Variants in CEP112 observed in about 807,000 individuals in gnomAD.
CEP112 encodes the protein centrosomal protein of 112 kDa.
In CEP112, 127 loss-of-function variants were observed where a neutral mutation model predicts 153.0. The observed-to-expected ratio is 0.83, with a 90% CI of 0.72 to 0.96. The LOEUF (loss-of-function observed/expected upper bound fraction) is 0.96, where lower values mean the gene tolerates loss of function less well. CEP112 is among the 40% of genes least tolerant of loss of function. The probability of loss-of-function intolerance (pLI) is 0.00; values close to 1 mark genes in which losing one functional copy is unlikely to be tolerated. For missense variants in CEP112, 1,089 were observed against 1,101.2 expected, an observed-to-expected ratio of 0.99 and a Z score of 0.16; for synonymous variants, 358 against 374.4, an observed-to-expected ratio of 0.96 and a Z score of 0.51.
At chr17:65,679,736 T>A (rs539840266) in intron 24 of CEP112, among the ~76,000 whole-genome samples, 10 of 152,348 alleles carry the variant, frequency 6.6e-5, no homozygotes, top group Middle Eastern at 3.4e-3. Flanking sequence ...GGTTTAAAGA[T>A]AAGCAGTGCT....
At chr17:66,143,480 A>G (rs968189983) in intron 4 of CEP112, among the ~76,000 whole-genome samples, 4 of 152,226 alleles carry the variant, frequency 2.6e-5, no homozygotes, top group African/African-American at 7.2e-5. Flanking sequence ...TCTCTGACAG[A>G]TAAGAGGGAT....
intron 16 of CEP112, among the ~76,000 whole-genome samples, chr17:66,025,386 C>T (rs964184845): frequency 4.0e-5 from 6 of 151,786 alleles, no homozygotes; most frequent in African/African-American, 7.3e-5. Flanking sequence ...GCATCTGGCC[C>T]GGGGACTGAT....
chr17:66,141,825 A>G (rs1207561161), intron 4 of CEP112, among the ~76,000 whole-genome samples: 1 of 152,224 alleles, frequency 6.6e-6, no homozygotes, highest in Non-Finnish European at 1.5e-5. Flanking sequence ...ACTATTGTGA[A>G]TAATGCTGCA....
intron 21 of CEP112, among the ~76,000 whole-genome samples, chr17:65,800,871 G>A (rs2055229183): frequency 6.6e-6 from 1 of 152,124 alleles, no homozygotes; most frequent in Non-Finnish European, 1.5e-5. Context: ...ATGGTGTTGA[G>A]CATCAGTGGT....
chr17:65,829,719 T>C (rs1281778742), intron 21 of CEP112, among the ~76,000 whole-genome samples: 2 of 152,148 alleles, frequency 1.3e-5, no homozygotes, highest in Non-Finnish European at 2.9e-5. Context: ...TTAAAATATA[T>C]ATAGTGACTA....
In CEP112 at chr17:65,927,697, A is replaced by G; in HGVS notation, c.1873-8T>C. ...TGCCTCCACTTTTTCCATCTATAAA[A>G]TTTAAAAATCAAATATTAATTTTTT... On this transcript the variant is annotated splice_polypyrimidine_tract_variant and splice_region_variant and intron_variant, in intron 18 of 26. Transcript: ENST00000535342. 1 of 1,497,750 alleles carries G rather than the reference A, an allele frequency of 6.7e-7. No homozygotes were observed. Among genetic ancestry groups the G allele is most frequent in the Non-Finnish European group, 9.0e-7 (1 of 1,114,960 alleles). 92.8% of individuals were successfully genotyped at this position (1,497,750 alleles called of 1,614,324 possible). A position where few individuals can be genotyped will look rare whatever the true frequency, so the allele number is the denominator to read the frequency against.
At chr17:66,110,672 A>T (rs1178218072) in intron 6 of CEP112, among the ~76,000 whole-genome samples, 2 of 144,422 alleles carry the variant, frequency 1.4e-5, no homozygotes, top group Non-Finnish European at 3.0e-5. Flanking sequence ...GCCAAACAAG[A>T]AATGAAAAAA....
At chr17:65,673,936 G>A (rs148565825) in intron 24 of CEP112, among the ~76,000 whole-genome samples, 137 of 152,252 alleles carry the variant, frequency 9.0e-4, no homozygotes, top group African/African-American at 2.7e-3. Flanking sequence ...GAGTATAGTG[G>A]CACAATCTTG....
chr17:65,955,621 G>A (rs2061976732), intron 18 of CEP112, among the ~76,000 whole-genome samples: 1 of 151,926 alleles, frequency 6.6e-6, no homozygotes, highest in African/African-American at 2.4e-5. Context: ...TAACACATAA[G>A]GACTCACATA....
chr17:66,154,423 G>A (rs2071348072), intron 4 of CEP112, among the ~76,000 whole-genome samples: 1 of 151,852 alleles, frequency 6.6e-6, no homozygotes. Context: ...GCTGAGGCAG[G>A]AGAATCACTT....
chr17:66,012,157 T>C (rs2064557740), intron 16 of CEP112, among the ~76,000 whole-genome samples: 5 of 152,186 alleles, frequency 3.3e-5, no homozygotes, highest in Admixed American at 3.3e-4. Context: ...TACCATTGGG[T>C]CTTGCCTCTT....
At chr17:66,149,310 AT>A (rs2071061275) in intron 4 of CEP112, among the ~76,000 whole-genome samples, 1 of 152,130 alleles carries the variant, frequency 6.6e-6, no homozygotes, top group African/African-American at 2.4e-5. Flanking sequence ...CTTGTACCAC[AT>A]TTGTCTAGTT....
At chr17:65,942,249 T>C (rs11872067) in intron 18 of CEP112, among the ~76,000 whole-genome samples, 9,825 of 152,156 alleles carry the variant, frequency 0.065, 462 homozygotes, top group African/African-American at 0.12. Context: ...GGTTGTACAC[T>C]CCTTAAGAGA....
Position 65,699,353 on chromosome 17 carries a change from AT to A in CEP112, c.2608-10136del, listed in dbSNP as rs775374454. ...GGGGTACTCCCATTAAAATTCTCAG[AT>A]TTTTTTTTCCCCCTTAAGCTATATT... On this transcript the variant is annotated intron_variant, in intron 23 of 26. Transcript: ENST00000535342. Among the ~76,000 whole-genome samples the A allele has an allele frequency of 6.4e-4, 97 of 151,706 alleles. 2 individuals carry two copies. Among genetic ancestry groups the A allele is most frequent in the Middle Eastern group, 3.4e-3 (1 of 294 alleles).
chr17:65,801,633 T>A (rs1044236888), intron 21 of CEP112, among the ~76,000 whole-genome samples: 1 of 152,324 alleles, frequency 6.6e-6, no homozygotes, highest in Non-Finnish European at 1.5e-5. Flanking sequence ...TAAAAGGACA[T>A]TACTGGAAGT....
intron 17 of CEP112, among the ~76,000 whole-genome samples, chr17:65,966,165 T>A (rs1345779717): frequency 1.3e-5 from 2 of 152,106 alleles, no homozygotes; most frequent in African/African-American, 2.4e-5. Flanking sequence ...GATTTATTCA[T>A]AAAGTGCAGT....
intron 12 of CEP112, among the ~76,000 whole-genome samples, chr17:66,046,468 A>G (rs1402524844): frequency 6.6e-6 from 1 of 152,240 alleles, no homozygotes; most frequent in Non-Finnish European, 1.5e-5. Flanking sequence ...ATCGTTTATA[A>G]GGATCTTCCA....
chr17:66,155,706 T>C (rs11868433), intron 4 of CEP112, among the ~76,000 whole-genome samples: 5,189 of 152,166 alleles, frequency 0.034, 132 homozygotes, highest in Middle Eastern at 0.062. Flanking sequence ...TTGAGCTTGG[T>C]TGGGGGAGAG....
intron 23 of CEP112, among the ~76,000 whole-genome samples, chr17:65,723,872 G>T (rs1229837463): frequency 6.6e-6 from 1 of 152,158 alleles, no homozygotes; most frequent in African/African-American, 2.4e-5. Context: ...GAGATTTAAA[G>T]TTAAACAAGG....
Sources: gnomAD v4.1 joint callset for allele counts (sites outside exome capture counted in the v4.1 genomes callset) on GRCh38, gnomAD v4.1.1 for gene constraint, MANE v1.5 for transcripts, NCBI Gene and HGNC (gene_info 2026-07-23, HGNC 2026-07-21) for gene names.